Variants in KCNMA1 observed in about 807,000 individuals in gnomAD.
The protein encoded by KCNMA1 is Calcium-activated potassium channel subunit alpha-1.
Under a neutral mutation model 140.0 loss-of-function variants are expected in KCNMA1, and 29 were observed. The observed-to-expected ratio is 0.21, with a 90% CI of 0.15 to 0.28. KCNMA1 has a LOEUF of 0.28. KCNMA1 is among the 10% of genes least tolerant of loss of function. The probability of loss-of-function intolerance (pLI) is 1.00; values close to 1 mark genes in which losing one functional copy is unlikely to be tolerated. For missense variants in KCNMA1, 880 were observed against 1,602.2 expected (o/e 0.55, Z 7.70); for synonymous variants, 612 against 611.9 (o/e 1.00, Z 0.00).
In KCNMA1 at chr10:77,001,582, T is replaced by A; in HGVS notation, c.2093-2A>T. The A allele has an allele frequency of 6.5e-7, 1 of 1,550,000 alleles. No individual in the cohort carries two copies. Among genetic ancestry groups the A allele is most frequent in the Non-Finnish European group, 8.7e-7 (1 of 1,145,282 alleles). On this transcript the variant is annotated splice_acceptor_variant, in intron 18 of 27. Transcript: ENST00000286628. LOFTEE classifies it high-confidence loss of function. ...TTCTCTTGTAGATGGACATCTTGGCTATAACCGTGTGGTTGGATGGGAGGA... is the reference window on the plus strand; with the variant it reads ...TTCTCTTGTAGATGGACATCTTGGCAATAACCGTGTGGTTGGATGGGAGGA...
At chr10:76,977,549 C>T in intron 19 of KCNMA1, 1 of 702,912 alleles carries the variant, frequency 1.4e-6, no homozygotes, top group Non-Finnish European at 2.6e-6. Context: ...TGACCTTTGA[C>T]AGAGAAAGTT....
chr10:77,109,712 C>G (rs1246608033), intron 8 of KCNMA1, among the ~76,000 whole-genome samples: 1 of 152,060 alleles, frequency 6.6e-6, no homozygotes, highest in Non-Finnish European at 1.5e-5. Context: ...CTCTTTAGGG[C>G]AGGCCCCAGC....
intron 18 of KCNMA1, among the ~76,000 whole-genome samples, chr10:77,007,653 G>GTGTA: frequency 8.1e-4 from 72 of 88,468 alleles, no homozygotes; most frequent in African/African-American, 3.1e-3. Flanking sequence ...TTGTGTGTGT[G>GTGTA]TATATATATA....
intron 2 of KCNMA1, among the ~76,000 whole-genome samples, chr10:77,283,343 G>C (rs2069398317): frequency 6.6e-6 from 1 of 152,220 alleles, no homozygotes; most frequent in African/African-American, 2.4e-5. Flanking sequence ...GAGGAGGAGG[G>C]AGAAGGAGGC....
chr10:77,396,866 A>C (rs2096072545), intron 2 of KCNMA1, among the ~76,000 whole-genome samples: 1 of 150,876 alleles, frequency 6.6e-6, no homozygotes. Context: ...GAAAGTAACT[A>C]CAAAGAGTGA....
intron 2 of KCNMA1, among the ~76,000 whole-genome samples, chr10:77,305,502 T>C (rs1237869183): frequency 6.6e-6 from 1 of 152,164 alleles, no homozygotes; most frequent in South Asian, 2.1e-4. Context: ...TCTCTGACCT[T>C]GTGCTGTTCC....
intron 22 of KCNMA1, among the ~76,000 whole-genome samples, chr10:76,947,584 A>T (rs1351069914): frequency 6.6e-6 from 1 of 152,226 alleles, no homozygotes; most frequent in Non-Finnish European, 1.5e-5. Flanking sequence ...CATATAATCA[A>T]ATCGACCATA....
intron 18 of KCNMA1, among the ~76,000 whole-genome samples, chr10:77,011,349 A>C (rs1441577684): frequency 6.6e-6 from 1 of 152,200 alleles, no homozygotes; most frequent in Non-Finnish European, 1.5e-5. Flanking sequence ...AATATGCCAG[A>C]AACAACTGAG....
Position 77,576,644 on chromosome 10 carries a change from A to G in KCNMA1, c.378+60621T>C, listed in dbSNP as rs528684595. On this transcript the variant is annotated intron_variant, in intron 1 of 27. Coordinates refer to ENST00000286628, the MANE Select transcript of KCNMA1 (RefSeq NM_001161352.2). ...AACACAGGAAGCACACAGCCGTGCA[A>G]GAAAGCTCACCATGGGATTCTAAAA... 5.3e-5 allele frequency among the ~76,000 whole-genome samples: 8 copies of G among 152,326 alleles called. No individual in the cohort carries two copies. In the South Asian group the frequency reaches 1.7e-3, roughly 32 times the overall value.
chr10:77,265,993 A>G (rs2154273710), intron 2 of KCNMA1, among the ~76,000 whole-genome samples: 1 of 151,600 alleles, frequency 6.6e-6, no homozygotes, highest in South Asian at 2.1e-4. Context: ...AGGCAAGAGA[A>G]TCCCTTGAGC....
chr10:77,547,376 C>T (rs2061676945), intron 1 of KCNMA1, among the ~76,000 whole-genome samples: 1 of 152,186 alleles, frequency 6.6e-6, no homozygotes, highest in African/African-American at 2.4e-5. Flanking sequence ...TTCAACCTAC[C>T]CACTAAGACT....
At chr10:77,355,942 T>A (rs1184586414) in intron 2 of KCNMA1, among the ~76,000 whole-genome samples, 1 of 152,172 alleles carries the variant, frequency 6.6e-6, no homozygotes, top group Non-Finnish European at 1.5e-5. Context: ...AACGACCCCC[T>A]GTACACAATA....
chr10:77,168,056 C>A (rs1800158391), intron 5 of KCNMA1, among the ~76,000 whole-genome samples: 1 of 152,182 alleles, frequency 6.6e-6, no homozygotes, highest in Non-Finnish European at 1.5e-5. Flanking sequence ...GTTTTCTTTA[C>A]ATGATTTATC....
rs187976610 is a variant in KCNMA1, at chr10:77,260,182, G to C, written c.541-8926C>G. Among the ~76,000 whole-genome samples, 312 of 152,284 alleles carry C rather than the reference G, an allele frequency of 2.0e-3. 2 individuals are homozygous for C. Among genetic ancestry groups the C allele is most frequent in the African/African-American group, 7.1e-3 (297 of 41,560 alleles). ...GGTCGAGGGTCTGAGACACACACAG[G>C]GATAGCAAGGACAGTCCTGCACACA... On this transcript the variant is annotated intron_variant, in intron 2 of 27. Coordinates refer to ENST00000286628, the MANE Select transcript of KCNMA1 (RefSeq NM_001161352.2).
At chr10:77,496,571 T>C (rs1484460467) in intron 1 of KCNMA1, among the ~76,000 whole-genome samples, 1 of 119,156 alleles carries the variant, frequency 8.4e-6, no homozygotes. Flanking sequence ...CACTGCAGCC[T>C]GGGTGACAGA....
chr10:77,126,344 A>C (rs2097732791), intron 5 of KCNMA1, among the ~76,000 whole-genome samples: 1 of 152,118 alleles, frequency 6.6e-6, no homozygotes, highest in African/African-American at 2.4e-5. Context: ...TTATATGATC[A>C]ATTCTTAAAA....
chr10:76,898,211 G>A lies in KCNMA1; in HGVS notation c.3148-6492C>T, dbSNP rs534342822. 1.3e-4 allele frequency among the ~76,000 whole-genome samples: 20 copies of A among 151,434 alleles called. No individual in the cohort carries two copies. In the South Asian group the frequency reaches 1.7e-3, roughly 13 times the overall value. ...CTGATATCTTTAAAAGAGAAAAAGG[G>A]AAGAAAAAAAGTATAGCTTCAAAGA... On this transcript the variant is annotated intron_variant, in intron 25 of 27. Coordinates refer to ENST00000286628, the MANE Select transcript of KCNMA1 (RefSeq NM_001161352.2).
intron 2 of KCNMA1, among the ~76,000 whole-genome samples, chr10:77,364,019 T>C (rs768130222): frequency 2.0e-4 from 30 of 152,322 alleles, no homozygotes; most frequent in Non-Finnish European, 3.7e-4. Flanking sequence ...GTTTGCACAA[T>C]GCCTGACACC....
chr10:77,266,295 A>AT (rs2063424370), intron 2 of KCNMA1, among the ~76,000 whole-genome samples: 2 of 152,196 alleles, frequency 1.3e-5, no homozygotes, highest in East Asian at 3.9e-4. Context: ...CATGACTTCC[A>AT]AAAACAAAGG....
Sources: gnomAD v4.1 joint callset for allele counts (sites outside exome capture counted in the v4.1 genomes callset) on GRCh38, gnomAD v4.1.1 for gene constraint, MANE v1.5 for transcripts, NCBI Gene and HGNC (gene_info 2026-07-23, HGNC 2026-07-21) for gene names.